Variants in RNFT2 observed in about 807,000 individuals in gnomAD.
RNFT2 encodes the protein E3 ubiquitin-protein ligase RNFT2.
A neutral mutation model predicts 53.0 loss-of-function variants in RNFT2; 36 were observed. The observed-to-expected ratio is 0.68, with a 90% confidence interval of 0.52 to 0.90. The LOEUF (loss-of-function observed/expected upper bound fraction) is 0.90, where lower values mean the gene tolerates loss of function less well. Among genes scored for constraint, RNFT2 ranks in the 40% least tolerant of loss-of-function variants. The probability of loss-of-function intolerance (pLI) is 0.00; values close to 1 mark genes in which losing one functional copy is unlikely to be tolerated. For missense variants in RNFT2, 514 were observed against 585.6 expected (o/e 0.88, Z 1.26); for synonymous variants, 260 against 253.2 (o/e 1.03, Z -0.26).
In RNFT2 at chr12:116,802,229, G is replaced by T. The variant is rs544688028; in HGVS notation, c.882+22881G>T. Among the ~76,000 whole-genome samples, 13 of 152,228 alleles carry T rather than the reference G, an allele frequency of 8.5e-5. No homozygotes were observed. The South Asian group carries it at 1.7e-3, about 19-fold the overall frequency. On this transcript the variant is annotated intron_variant, in intron 7 of 10. Transcript: ENST00000257575. Reference sequence around the variant, plus strand: ...CATAGTAAAGGCTCTGAGAAGTCCCGCAATAAAGAAATTCATTTCACTTTG... The same window carrying T: ...CATAGTAAAGGCTCTGAGAAGTCCCTCAATAAAGAAATTCATTTCACTTTG...
At chr12:116,813,860 C>T (rs1185106345) in intron 7 of RNFT2, among the ~76,000 whole-genome samples, 1 of 152,134 alleles carries the variant, frequency 6.6e-6, no homozygotes, top group Non-Finnish European at 1.5e-5. Context: ...AAGTCATGGA[C>T]CTTGGATGAG....
At chr12:116,750,512 T>C (rs1872140480) in intron 4 of RNFT2, among the ~76,000 whole-genome samples, 1 of 152,136 alleles carries the variant, frequency 6.6e-6, no homozygotes, top group African/African-American at 2.4e-5. Flanking sequence ...TTGGCTTCTC[T>C]GAGCCTCAGT....
Position 116,754,043 on chromosome 12 carries a change from G to C in RNFT2, c.610G>C (p.Glu204Gln). 6.2e-7 allele frequency: 1 copy of C among 1,613,800 alleles called. No homozygotes were observed. The highest frequency in any genetic ancestry group is 1.1e-5 in the South Asian group (1 of 91,080). The change falls in exon 5 of 11, where the codon GAA becomes CAA. Residue 204 changes from glutamate (E) to glutamine (Q), a missense_variant. This residue lies in a region of RNFT2 where 273 missense variants were observed against 334.4 expected (regional missense o/e 0.82). Transcript: ENST00000257575. Reference protein sequence around the residue: ...TFAYANSTLREQVSLKEKRSV... With the variant: ...TFAYANSTLRQQVSLKEKRSV... ...CGCCTATGCCAACTCCACGCTTCGA[G>C]AACAGGTCTCACTGAAGGTGAGTCA...
intron 7 of RNFT2, among the ~76,000 whole-genome samples, chr12:116,811,557 GTAGAGACGAGTTTTC>G (rs1875378460): frequency 6.6e-6 from 1 of 152,110 alleles, no homozygotes; most frequent in Non-Finnish European, 1.5e-5. Flanking sequence ...TGTATTTTTA[GTAGAGACGAGTTTTC>G]GCCATGTTGG....
intron 10 of RNFT2, among the ~76,000 whole-genome samples, chr12:116,838,643 C>T (rs1592989394): frequency 1.3e-5 from 2 of 152,166 alleles, no homozygotes; most frequent in South Asian, 2.1e-4. Context: ...TAATTATGAG[C>T]GTGGTTGAGC....
At chr12:116,838,456 GT>G (rs138966445) in intron 10 of RNFT2, among the ~76,000 whole-genome samples, 4,030 of 152,286 alleles carry the variant, frequency 0.026, 74 homozygotes, top group Non-Finnish European at 0.046. Flanking sequence ...AGTTTTGACA[GT>G]TATTGCTAAA....
At chr12:116,740,012 C>T (rs758004335) in intron 1 of RNFT2, among the ~76,000 whole-genome samples, 1 of 152,068 alleles carries the variant, frequency 6.6e-6, no homozygotes, top group Non-Finnish European at 1.5e-5. Flanking sequence ...TTGAGACCAG[C>T]CTGGCCAATA....
chr12:116,767,060 T>C, intron 6 of RNFT2, 146 bp downstream of exon 6: 1 of 564,494 alleles, frequency 1.8e-6, no homozygotes, highest in East Asian at 2.8e-5. Context: ...TACTTATATA[T>C]ATCTAGACCA....
Position 116,740,940 on chromosome 12 carries a change from C to T in RNFT2, c.25-96C>T, listed in dbSNP as rs554524136. The T allele has an allele frequency of 1.4e-5, 14 of 1,023,932 alleles. No individual in the cohort carries two copies. The Admixed American group carries it at 1.4e-4, about 10-fold the overall frequency. The allele number at this position is 1,023,932 out of a possible 1,614,324, so 63.4% of individuals were successfully genotyped here. A position where few individuals can be genotyped will look rare whatever the true frequency, so the allele number is the denominator to read the frequency against. On this transcript the variant is annotated intron_variant, in intron 2 of 10. Coordinates refer to ENST00000257575, the MANE Select transcript of RNFT2 (RefSeq NM_001382266.1). Reference sequence around the variant, plus strand: ...CAGAGAGCACTAGGGGTCTAAGATACGACTAGTGCAGGTTTGCAGTTTACA... The same window carrying T: ...CAGAGAGCACTAGGGGTCTAAGATATGACTAGTGCAGGTTTGCAGTTTACA...
At chr12:116,794,489 G>A (rs12815898) in intron 7 of RNFT2, among the ~76,000 whole-genome samples, 102,412 of 149,790 alleles carry the variant, frequency 0.68, 39,388 homozygotes, top group Non-Finnish European at 0.86. Context: ...TCCCAGCTAC[G>A]CGGGAGGCTG....
At chr12:116,743,908 A>G (rs955932937) in intron 3 of RNFT2, among the ~76,000 whole-genome samples, 4 of 152,096 alleles carry the variant, frequency 2.6e-5, no homozygotes, top group Admixed American at 6.6e-5. Context: ...TTCTCCATCC[A>G]AAAATGGCAG....
At chr12:116,830,799 G>GAT (rs1346767618) in intron 7 of RNFT2, among the ~76,000 whole-genome samples, 1 of 151,738 alleles carries the variant, frequency 6.6e-6, no homozygotes, top group East Asian at 1.9e-4. Context: ...AGTTACTTGA[G>GAT]AGCCTGAGAC....
At chr12:116,784,605 C>T (rs142823028) in intron 7 of RNFT2, among the ~76,000 whole-genome samples, 1 of 152,294 alleles carries the variant, frequency 6.6e-6, no homozygotes, top group East Asian at 1.9e-4. Flanking sequence ...AAAGCCTGGG[C>T]TTCTTCTCAT....
intron 7 of RNFT2, among the ~76,000 whole-genome samples, chr12:116,792,211 A>G (rs1874271359): frequency 6.6e-6 from 1 of 151,478 alleles, no homozygotes; most frequent in African/African-American, 2.4e-5. Flanking sequence ...CACCACGCCC[A>G]GCTAATTTTT....
At chr12:116,760,489 G>A (rs1278666449) in intron 5 of RNFT2, among the ~76,000 whole-genome samples, 1 of 152,218 alleles carries the variant, frequency 6.6e-6, no homozygotes, top group Non-Finnish European at 1.5e-5. Flanking sequence ...GCTGCTGGGG[G>A]ACCCAGTGAG....
chr12:116,826,628 A>G (rs1876352841), intron 7 of RNFT2, among the ~76,000 whole-genome samples: 2 of 152,208 alleles, frequency 1.3e-5, no homozygotes, highest in African/African-American at 2.4e-5. Context: ...ACGGGGTGCC[A>G]CATAGGCTCT....
At chr12:116,796,182 TA>T (rs1274377185) in intron 7 of RNFT2, among the ~76,000 whole-genome samples, 1 of 152,192 alleles carries the variant, frequency 6.6e-6, no homozygotes, top group African/African-American at 2.4e-5. Flanking sequence ...GTGCTGGGAT[TA>T]CAGGTGTGAG....
chr12:116,778,307 C>A (rs182718917), intron 6 of RNFT2, among the ~76,000 whole-genome samples: 13 of 152,250 alleles, frequency 8.5e-5, no homozygotes, highest in Non-Finnish European at 1.6e-4. Flanking sequence ...GGGTATGGAT[C>A]CTCCATGAGT....
chr12:116,750,194 C>T lies in RNFT2; in HGVS notation c.437C>T (p.Pro146Leu). The T allele has an allele frequency of 6.2e-7, 1 of 1,602,280 alleles. No homozygotes were observed. The highest frequency in any genetic ancestry group is 8.5e-7 in the Non-Finnish European group (1 of 1,177,898). ...GHSEEGGDEQ[P>L]GTPAPALSEL... Reference sequence around the variant, plus strand: ...TCGGAGGAGGGAGGCGACGAGCAGCCTGGGACGCCCGCCCCCGCCCTGTCC... The same window carrying T: ...TCGGAGGAGGGAGGCGACGAGCAGCTTGGGACGCCCGCCCCCGCCCTGTCC... The change falls in exon 4 of 11, where the codon CCT becomes CTT. Residue 146 changes from proline to leucine, a missense_variant. By Grantham distance (98) the Pro-to-Leu change is moderately conservative (BLOSUM62 -3). Around this residue, in one of 3 missense-constraint regions of RNFT2, gnomAD observed 237 missense variants for 235.1 expected, o/e 1.01. Coordinates refer to ENST00000257575, the MANE Select transcript of RNFT2 (RefSeq NM_001382266.1).
Sources: gnomAD v4.1 joint callset for allele counts (sites outside exome capture counted in the v4.1 genomes callset) on GRCh38, gnomAD v4.1.1 for gene constraint, gnomAD v4.1.1 regional missense constraint, MANE v1.5 for transcripts, NCBI Gene and HGNC (gene_info 2026-07-23, HGNC 2026-07-21) for gene names.